DRICH1: variants seen among roughly 807,000 people sequenced by gnomAD.
DRICH1 encodes aspartate rich 1.
In DRICH1, 38 loss-of-function variants were observed where a neutral mutation model predicts 39.5. The ratio of observed to expected loss-of-function variants is 0.96; its 90% confidence interval spans 0.74 to 1.26. The LOEUF (loss-of-function observed/expected upper bound fraction) is 1.26. DRICH1 is among the 50% of genes most tolerant of loss of function. The pLI is 0.00. For missense variants in DRICH1, 279 were observed against 270.4 expected (o/e 1.03, Z -0.22); for synonymous variants, 84 against 99.5 (o/e 0.84, Z 0.93).
At position 23,613,277 on chromosome 22, in the gene DRICH1, G is replaced by A. The variant is rs74478390; in HGVS notation, c.685+12C>T. On this transcript the variant is annotated intron_variant, in intron 11 of 11. Transcript: ENST00000317749. Reference sequence around the variant, plus strand: ...TTTCCCATTGGGTTTTTGCTGGCACGTAGTTCCCTACCTGGATGAATCTCT... The same window carrying A: ...TTTCCCATTGGGTTTTTGCTGGCACATAGTTCCCTACCTGGATGAATCTCT... 3,587 of 1,610,056 alleles carry A rather than the reference G, an allele frequency of 2.2e-3. 62 individuals carry two copies. In the African/African-American group the frequency reaches 0.042, roughly 19 times the overall value.
At chr22:23,592,570 G>C in the DRICH1 span, among the ~76,000 whole-genome samples, 1 of 152,126 alleles carries the variant, frequency 6.6e-6, no homozygotes, top group Non-Finnish European at 1.5e-5. Flanking sequence ...CTACTCCACA[G>C]CCTCTTCAGG....
chr22:23,615,505 G>A (rs576728527), intron 8 of DRICH1, among the ~76,000 whole-genome samples: 1 of 152,314 alleles, frequency 6.6e-6, no homozygotes, highest in African/African-American at 2.4e-5. Flanking sequence ...ATCCTCGGAA[G>A]TAAAGAAGGT....
chr22:23,596,020 T>C, the DRICH1 span, among the ~76,000 whole-genome samples: 4 of 152,230 alleles, frequency 2.6e-5, no homozygotes, highest in African/African-American at 9.6e-5. Context: ...GCCTGTCTTC[T>C]CACCGGAGCT....
the DRICH1 span, among the ~76,000 whole-genome samples, chr22:23,593,551 G>A: frequency 7.2e-5 from 11 of 152,244 alleles, no homozygotes; most frequent in Non-Finnish European, 1.3e-4. Flanking sequence ...CTGTAATTCC[G>A]GCACTTTGGG....
At chr22:23,629,892 C>G (rs1489548575) in intron 1 of DRICH1, among the ~76,000 whole-genome samples, 1 of 152,212 alleles carries the variant, frequency 6.6e-6, no homozygotes, top group Non-Finnish European at 1.5e-5. Context: ...GCTGGGATTA[C>G]AGGTGTGAGC....
the DRICH1 span, among the ~76,000 whole-genome samples, chr22:23,584,024 C>T: frequency 6.6e-6 from 1 of 152,250 alleles, no homozygotes; most frequent in Non-Finnish European, 1.5e-5. Context: ...CTGCCATGGC[C>T]TCTCAACAGA....
At chr22:23,613,426 T>G in intron 10 of DRICH1, 96 bp from the exon 11 acceptor site, 1 of 1,059,286 alleles carries the variant, frequency 9.4e-7, no homozygotes, top group East Asian at 2.4e-5. Context: ...TGAGCTAGTC[T>G]CCCACTCCAT....
chr22:23,620,813 G>A (rs903544893), intron 4 of DRICH1, among the ~76,000 whole-genome samples, 198 bp from the exon 5 acceptor site: 8 of 152,156 alleles, frequency 5.3e-5, no homozygotes, highest in African/African-American at 9.7e-5. Flanking sequence ...TATCTTTAAG[G>A]TATTGGTATT....
chr22:23,624,347 A>T, intron 3 of DRICH1: 1 of 985,026 alleles, frequency 1.0e-6, no homozygotes, highest in Non-Finnish European at 1.2e-6. Flanking sequence ...AGCAAGAAGA[A>T]ATGATCAAAA....
chr22:23,591,278 A>G, the DRICH1 span, among the ~76,000 whole-genome samples: 1 of 152,302 alleles, frequency 6.6e-6, no homozygotes, highest in South Asian at 2.1e-4. Context: ...AGCTTGGGCC[A>G]GTCTCACAGC....
the DRICH1 span, among the ~76,000 whole-genome samples, chr22:23,591,593 G>A: frequency 1.7e-4 from 26 of 152,184 alleles, no homozygotes; most frequent in Non-Finnish European, 3.7e-4. Flanking sequence ...CCTCATCCAC[G>A]AAACAGGGAA....
At chr22:23,617,057 G>C (rs1044142593) in intron 7 of DRICH1, among the ~76,000 whole-genome samples, 183 bp from the exon 8 acceptor site, 11 of 152,224 alleles carry the variant, frequency 7.2e-5, no homozygotes, top group Admixed American at 5.9e-4. Context: ...TTTTCCCACA[G>C]AATTTATCTT....
At chr22:23,613,599 G>A (rs760088075) in intron 10 of DRICH1, 40 bp downstream of exon 10, 1 of 1,552,710 alleles carries the variant, frequency 6.4e-7, no homozygotes, top group East Asian at 2.2e-5. Context: ...AAGCTAGCAA[G>A]TTTTTTCCCT....
chr22:23,603,609 T>C (rs1926582957), downstream of DRICH1, among the ~76,000 whole-genome samples: 2 of 152,114 alleles, frequency 1.3e-5, no homozygotes, highest in African/African-American at 2.4e-5. Context: ...GCCACAGCCC[T>C]TGGTCTCCTC....
At position 23,608,788 on chromosome 22, in the gene DRICH1, C is replaced by G; in HGVS notation, c.686-20G>C. ...TTCACCCTGGATGAAGAGATAATCC[C>G]TTTTTAGTGAGAGCAGGCTCCCAGC... On this transcript the variant is annotated intron_variant, in intron 11 of 11. Transcript: ENST00000317749. 6.4e-7 allele frequency: 1 copy of G among 1,558,362 alleles called. No homozygotes were observed. Among genetic ancestry groups the G allele is most frequent in the Non-Finnish European group, 8.7e-7 (1 of 1,149,758 alleles).
At chr22:23,582,327 G>A in the DRICH1 span, among the ~76,000 whole-genome samples, 2 of 151,502 alleles carry the variant, frequency 1.3e-5, no homozygotes, top group African/African-American at 4.9e-5. Flanking sequence ...CCAGGCTGGA[G>A]TGCAATGGCA....
the DRICH1 span, among the ~76,000 whole-genome samples, chr22:23,584,819 C>G: frequency 6.6e-6 from 1 of 152,024 alleles, no homozygotes; most frequent in East Asian, 1.9e-4. Context: ...TTTTTTGAGA[C>G]AGGGTCTCAC....
At chr22:23,623,389 G>A (rs1927883667) in intron 3 of DRICH1, among the ~76,000 whole-genome samples, 1 of 152,094 alleles carries the variant, frequency 6.6e-6, no homozygotes, top group Admixed American at 6.6e-5. Context: ...TGGTGACAGA[G>A]TGAGACTCCA....
At chr22:23,600,745 C>T in the DRICH1 span, among the ~76,000 whole-genome samples, 115 of 151,430 alleles carry the variant, frequency 7.6e-4, 1 homozygote, top group East Asian at 8.2e-3. Context: ...CGATCTCGGC[C>T]CACTGCAAGC....
Sources: gnomAD v4.1 joint callset for allele counts (sites outside exome capture counted in the v4.1 genomes callset) on GRCh38, gnomAD v4.1.1 for gene constraint, MANE v1.5 for transcripts, NCBI Gene and HGNC (gene_info 2026-07-23, HGNC 2026-07-21) for gene names.